The following ZIM2 variants were observed in gnomAD, a reference collection of about 807,000 sequenced individuals.
The protein encoded by ZIM2 is zinc finger imprinted 2, also known as zinc finger protein 656.
A neutral mutation model predicts 38.6 loss-of-function variants in ZIM2; 14 were observed. That is an observed-to-expected ratio of 0.36 (90% confidence interval 0.24 to 0.57). The LOEUF (loss-of-function observed/expected upper bound fraction) is 0.57, where lower values mean the gene tolerates loss of function less well. Among genes scored for constraint, ZIM2 ranks in the 20% least tolerant of loss-of-function variants. The pLI, the probability that ZIM2 is intolerant of heterozygous loss-of-function variation, is 0.81. For synonymous variants in ZIM2, 247 were observed against 245.8 expected (o/e 1.00, Z -0.04); for missense variants, 680 against 695.1 (o/e 0.98, Z 0.24).
At chr19:56,788,098 T>C (rs2145901834) in intron 10 of ZIM2, among the ~76,000 whole-genome samples, 1 of 151,950 alleles carries the variant, frequency 6.6e-6, no homozygotes, top group South Asian at 2.1e-4. Context: ...TTTTTGTCTG[T>C]ATCTCCTTCA....
intron 6 of ZIM2, among the ~76,000 whole-genome samples, chr19:56,822,177 T>C (rs951038800): frequency 1.3e-5 from 2 of 152,206 alleles, no homozygotes; most frequent in African/African-American, 4.8e-5. Flanking sequence ...TAAATGTCAC[T>C]CACTCCTGAT....
At chr19:56,837,849 T>C (rs955198062) in intron 1 of ZIM2, among the ~76,000 whole-genome samples, 4 of 151,632 alleles carry the variant, frequency 2.6e-5, no homozygotes, top group Admixed American at 6.6e-5. Flanking sequence ...CCAACACACG[T>C]GGTACTAGGA....
At chr19:56,828,887 G>C (rs914588042) in intron 2 of ZIM2, among the ~76,000 whole-genome samples, 9 of 152,192 alleles carry the variant, frequency 5.9e-5, no homozygotes, top group African/African-American at 2.2e-4. Flanking sequence ...TGATGCTAGT[G>C]AGGGTGTAGA....
intron 1 of ZIM2, among the ~76,000 whole-genome samples, chr19:56,837,903 G>A (rs1454963647): frequency 6.6e-6 from 1 of 152,202 alleles, no homozygotes; most frequent in Non-Finnish European, 1.5e-5. Flanking sequence ...CTGTCATTCA[G>A]TAATGGTGCC....
chr19:56,820,094 T>C (rs2060336011), intron 7 of ZIM2, among the ~76,000 whole-genome samples: 1 of 152,216 alleles, frequency 6.6e-6, no homozygotes, highest in African/African-American at 2.4e-5. Flanking sequence ...AGCCCTAAAT[T>C]GGTTGTTCGC....
At position 56,821,768 on chromosome 19, in the gene ZIM2, A is replaced by C; in HGVS notation, c.191-14T>G. On this transcript the variant is annotated splice_polypyrimidine_tract_variant and intron_variant, in intron 6 of 12. Transcript: ENST00000629319. ...GCGGAGGCATCCCTGGGAAGAAAAA[A>C]GGCATCAACAAGAAGCAGGGCCCAG... 6.2e-7 allele frequency: 1 copy of C among 1,613,392 alleles called. No homozygotes were observed. The highest frequency in any genetic ancestry group is 2.2e-5 in the East Asian group (1 of 44,864).
intron 10 of ZIM2, among the ~76,000 whole-genome samples, chr19:56,788,471 A>T (rs1181979094): frequency 6.6e-6 from 1 of 151,950 alleles, no homozygotes; most frequent in Non-Finnish European, 1.5e-5. Context: ...GTTGATATTG[A>T]CCTCCACTCT....
intron 12 of ZIM2, among the ~76,000 whole-genome samples, chr19:56,777,924 C>T (rs1177147297): frequency 6.6e-6 from 1 of 152,128 alleles, no homozygotes; most frequent in Non-Finnish European, 1.5e-5. Flanking sequence ...ATTGCCCTTC[C>T]TACTGTTTTT....
In ZIM2 at chr19:56,775,113, T is replaced by C. The variant is rs923418248; in HGVS notation, c.1252A>G (p.Asn418Asp). 6.2e-7 allele frequency: 1 copy of C among 1,614,026 alleles called. No individual in the cohort carries two copies. The highest frequency in any genetic ancestry group is 1.3e-5 in the African/African-American group (1 of 74,910). The change falls in exon 13 of 13, where the codon AAT (asparagine) becomes GAT (aspartate). Residue 418 changes from asparagine (N) to aspartate (D), a missense_variant. By Grantham distance (23) the Asn-to-Asp change is conservative. Coordinates refer to ENST00000629319, the MANE Select transcript of ZIM2 (RefSeq NM_001387356.1). ...TGGACGGAAGGCTTTCTACCTTCAT[T>C]GCAGCCAGAAGTCTTCCTACCAGAA... The part of the protein sequence containing the change: ...THSGRKTSGC[N>D]EGRKPSVQCA...
Position 56,776,484 on chromosome 19 carries a change from AT to A in ZIM2, c.836-956del, listed in dbSNP as rs930396811. Reference sequence around the variant, plus strand: ...TCTTAAAGTGATCTTGCTATGAAACATTTTTTTTAGAACATCTATTACTATG... The same window carrying A: ...TCTTAAAGTGATCTTGCTATGAAACATTTTTTTAGAACATCTATTACTATG... On this transcript the variant is annotated intron_variant, in intron 12 of 12. Transcript: ENST00000629319. Among the ~76,000 whole-genome samples, 38 of 152,108 alleles carry A rather than the reference AT, an allele frequency of 2.5e-4. 1 individual carries two copies. The South Asian group carries it at 7.9e-3, about 32-fold the overall frequency.
chr19:56,812,818 TAAA>T (rs11392622), intron 9 of ZIM2: 5 of 869,670 alleles, frequency 5.7e-6, no homozygotes, highest in Non-Finnish European at 5.5e-6. Context: ...TTGAGTTGGT[TAAA>T]AAAAAAAAAA....
At position 56,832,511 on chromosome 19, in the gene ZIM2, G is replaced by A. The variant is rs567837698; in HGVS notation, c.-227+3507C>T. 1.5e-4 allele frequency among the ~76,000 whole-genome samples: 23 copies of A among 152,308 alleles called. No individual in the cohort carries two copies. The South Asian group carries it at 4.8e-3, about 32-fold the overall frequency. ...CATATCCTTCCTGGCTTGAAGGTGG[G>A]CTCCCACACACCCCTCATTACTAAA... On this transcript the variant is annotated intron_variant, in intron 2 of 12. Transcript: ENST00000629319.
chr19:56,814,622 T>C lies in ZIM2; in HGVS notation c.490+3124A>G, dbSNP rs373634856. 1 of 1,614,030 alleles carries C rather than the reference T, an allele frequency of 6.2e-7. No homozygotes were observed. Among genetic ancestry groups the C allele is most frequent in the Non-Finnish European group, 8.5e-7 (1 of 1,179,990 alleles). On this transcript the variant is annotated intron_variant, in intron 9 of 12. Transcript: ENST00000629319. This position sits in a 1 kb window ranked among gnomAD's most constrained non-coding sequence, Gnocchi z 5.8. ...AAGAGTCTCTCTTCGGTCTGACTTC[T>C]CTGAAACTCAGTGAGGGCTAAGCCT...
intron 2 of ZIM2, among the ~76,000 whole-genome samples, chr19:56,828,150 CT>C (rs1350129734): frequency 6.6e-6 from 1 of 152,306 alleles, no homozygotes; most frequent in Non-Finnish European, 1.5e-5. Flanking sequence ...CATCTTTACA[CT>C]GATGCTGAGC....
chr19:56,778,742 T>A (rs2046158258), intron 12 of ZIM2, among the ~76,000 whole-genome samples: 1 of 152,248 alleles, frequency 6.6e-6, no homozygotes, highest in South Asian at 2.1e-4. Flanking sequence ...GTGGGTTTTC[T>A]GTTAACTACA....
chr19:56,775,665 A>G (rs2045960885), intron 12 of ZIM2, 136 bp from the exon 13 acceptor site: 1 of 1,439,494 alleles, frequency 6.9e-7, no homozygotes, highest in Non-Finnish European at 9.1e-7. Flanking sequence ...CTGAAAAAAA[A>G]AAAGTAAAAA....
chr19:56,829,122 G>A (rs145927393), intron 2 of ZIM2, among the ~76,000 whole-genome samples: 1,549 of 152,170 alleles, frequency 0.01, 14 homozygotes, highest in Middle Eastern at 0.024. Context: ...AGGCCGAGGC[G>A]GGTAGATTAC....
At chr19:56,785,381 T>TC (rs1269003156) in intron 10 of ZIM2, among the ~76,000 whole-genome samples, 2 of 151,830 alleles carry the variant, frequency 1.3e-5, no homozygotes, top group East Asian at 3.9e-4. Context: ...CTTACCTCGC[T>TC]CCCCCCACCC....
chr19:56,784,129 ATTG>A (rs1471827452), intron 10 of ZIM2, among the ~76,000 whole-genome samples: 1 of 152,220 alleles, frequency 6.6e-6, no homozygotes, highest in African/African-American at 2.4e-5. Context: ...CCAAAGGTAC[ATTG>A]TTGTTAGGCT....
Sources: gnomAD v4.1 joint callset for allele counts (sites outside exome capture counted in the v4.1 genomes callset) on GRCh38, gnomAD v4.1.1 for gene constraint, Gnocchi (gnomAD v3.1) non-coding constraint, MANE v1.5 for transcripts, NCBI Gene and HGNC (gene_info 2026-07-23, HGNC 2026-07-21) for gene names.